The following RARB variants were observed in gnomAD, a reference collection of about 807,000 sequenced individuals.
The protein encoded by RARB is HBV-activated protein.
Under a neutral mutation model 51.9 loss-of-function variants are expected in RARB, and 17 were observed. That is an observed-to-expected ratio of 0.33 (90% CI 0.22 to 0.49). RARB has a LOEUF of 0.49. Ranked by LOEUF, RARB falls within the 20% of genes least tolerant of loss-of-function variation. The probability of loss-of-function intolerance (pLI) is 0.99; values close to 1 mark genes in which losing one functional copy is unlikely to be tolerated. For synonymous variants in RARB, 215 were observed against 195.4 expected, an observed-to-expected ratio of 1.10 and a Z score of -0.84; for missense variants, 369 against 550.8, an observed-to-expected ratio of 0.67 and a Z score of 3.30.
At chr3:25,175,494 C>A (rs79970397) in intron 5 of RARB, among the ~76,000 whole-genome samples, 1 of 152,174 alleles carries the variant, frequency 6.6e-6, no homozygotes, top group African/African-American at 2.4e-5. Flanking sequence ...GGGATACCAC[C>A]TTAATCTTTC....
intron 1 of RARB, among the ~76,000 whole-genome samples, chr3:25,431,322 C>G (rs1708198883): frequency 6.6e-6 from 1 of 151,926 alleles, no homozygotes; most frequent in Non-Finnish European, 1.5e-5. Context: ...TGGAGCACAC[C>G]ATCACAAGCT....
chr3:24,850,910 A>G lies in RARB; in HGVS notation c.-458-7764A>G, dbSNP rs114276075. Among the ~76,000 whole-genome samples, 540 of 152,328 alleles carry G rather than the reference A, an allele frequency of 3.5e-3. 3 individuals are homozygous for G. Among genetic ancestry groups the G allele is most frequent in the African/African-American group, 0.011 (478 of 41,574 alleles). On this transcript the variant is annotated intron_variant, in intron 1 of 11. Coordinates refer to the RARB transcript ENST00000383772. Reference sequence around the variant, plus strand: ...ACATCAGCAGATATGCTAAAACAAAACAGGGAAGCAAGTACTCATTAGCAA... The same window carrying G: ...ACATCAGCAGATATGCTAAAACAAAGCAGGGAAGCAAGTACTCATTAGCAA...
At chr3:25,070,935 C>T (rs889031988) in intron 3 of RARB, among the ~76,000 whole-genome samples, 29 of 152,098 alleles carry the variant, frequency 1.9e-4, no homozygotes, top group African/African-American at 6.8e-4. Context: ...GCCTTTAAAG[C>T]GTAGCCAGAG....
At chr3:25,247,055 AG>A (rs1414971753) in intron 5 of RARB, among the ~76,000 whole-genome samples, 1 of 152,218 alleles carries the variant, frequency 6.6e-6, no homozygotes, top group African/African-American at 2.4e-5. Context: ...GTCTGGCTAC[AG>A]CAGCTTTGTG....
intron 5 of RARB, among the ~76,000 whole-genome samples, chr3:25,588,344 T>C (rs1287864414): frequency 6.6e-6 from 1 of 152,210 alleles, no homozygotes; most frequent in East Asian, 1.9e-4. Context: ...TAATGGTTAC[T>C]TCTGAGGAAG....
chr3:25,513,689 T>C (rs1698021285), intron 3 of RARB, among the ~76,000 whole-genome samples: 1 of 78,972 alleles, frequency 1.3e-5, no homozygotes, highest in Non-Finnish European at 2.1e-5. Context: ...CACACACATT[T>C]CATCAAATCG....
At chr3:24,986,125 T>G (rs1036486759) in intron 2 of RARB, among the ~76,000 whole-genome samples, 2 of 152,240 alleles carry the variant, frequency 1.3e-5, no homozygotes, top group African/African-American at 4.8e-5. Flanking sequence ...TGTTTGATTC[T>G]GAACACTGTG....
chr3:25,089,619 A>AT (rs1315579462), intron 3 of RARB, among the ~76,000 whole-genome samples: 1 of 152,042 alleles, frequency 6.6e-6, no homozygotes, highest in Non-Finnish European at 1.5e-5. Flanking sequence ...GTTGTAATTC[A>AT]TTTTTTCATG....
chr3:25,106,458 G>GGT lies in RARB; in HGVS notation c.-327-25703_-327-25702insGT, dbSNP rs1559468532. 2.3e-3 allele frequency among the ~76,000 whole-genome samples: 252 copies of GGT among 107,808 alleles called. 35 individuals carry two copies. Among genetic ancestry groups the GGT allele is most frequent in the East Asian group, 0.023 (70 of 3,108 alleles). 70.7% of individuals were successfully genotyped at this position (107,808 alleles called of 152,430 possible). The stretch of plus-strand genomic sequence containing the variant: ...GCCCAGCTACTGTTTTTTGTTTTTT[G>GGT]TTTTTTTTTGTTTTGTTTTTTTTTT... On this transcript the variant is annotated intron_variant, in intron 3 of 11. Transcript: ENST00000383772.
intron 3 of RARB, among the ~76,000 whole-genome samples, chr3:25,544,389 C>A (rs546685158): frequency 6.6e-6 from 1 of 152,132 alleles, no homozygotes; most frequent in African/African-American, 2.4e-5. Context: ...AACAAAGAAG[C>A]TTTTCCCTGG....
intron 5 of RARB, among the ~76,000 whole-genome samples, chr3:25,203,269 T>G (rs1183816674): frequency 1.3e-5 from 2 of 152,122 alleles, no homozygotes; most frequent in Non-Finnish European, 2.9e-5. Flanking sequence ...CCTTTTTTTG[T>G]TTTCCATTTG....
intron 5 of RARB, among the ~76,000 whole-genome samples, chr3:25,259,659 G>C (rs941539890): frequency 6.6e-6 from 1 of 152,286 alleles, no homozygotes. Flanking sequence ...CGTTACAGCA[G>C]CTAGTATGAG....
intron 5 of RARB, among the ~76,000 whole-genome samples, chr3:25,192,980 C>T (rs369198539): frequency 1.3e-5 from 2 of 151,970 alleles, no homozygotes; most frequent in South Asian, 4.1e-4. Context: ...GAAGGAAGCT[C>T]TAAATAAATG....
intron 3 of RARB, among the ~76,000 whole-genome samples, chr3:25,530,234 C>T (rs1153603): frequency 0.49 from 74,072 of 152,016 alleles, 22,016 homozygotes; most frequent in African/African-American, 0.83. Flanking sequence ...CCTTTGATTC[C>T]GTAGGGGGAA....
intron 5 of RARB, among the ~76,000 whole-genome samples, chr3:25,235,820 G>C (rs1442349184): frequency 1.3e-5 from 2 of 152,086 alleles, no homozygotes; most frequent in African/African-American, 4.8e-5. Context: ...AATAGAAATA[G>C]AAATGTCATA....
At chr3:25,319,002 G>T (rs1704495872) in intron 5 of RARB, among the ~76,000 whole-genome samples, 1 of 152,014 alleles carries the variant, frequency 6.6e-6, no homozygotes, top group Non-Finnish European at 1.5e-5. Flanking sequence ...TGAATAATTA[G>T]ATTTAAGAAG....
At chr3:25,271,676 T>A (rs17016133) in intron 5 of RARB, among the ~76,000 whole-genome samples, 1 of 152,130 alleles carries the variant, frequency 6.6e-6, no homozygotes, top group Non-Finnish European at 1.5e-5. Context: ...CTCATTCTCA[T>A]CAGAAACTTT....
chr3:25,128,857 A>C (rs1180795719), intron 3 of RARB, among the ~76,000 whole-genome samples: 1 of 152,152 alleles, frequency 6.6e-6, no homozygotes, highest in East Asian at 1.9e-4. Context: ...TGTAATAATA[A>C]AAACTCAATG....
At chr3:25,320,792 G>T (rs181219910) in intron 5 of RARB, among the ~76,000 whole-genome samples, 3 of 152,106 alleles carry the variant, frequency 2.0e-5, no homozygotes, top group Non-Finnish European at 2.9e-5. Context: ...GATATGATTT[G>T]GGTTCTTTCC....
Sources: allele counts gnomAD v4.1 joint callset (sites outside exome capture counted in the v4.1 genomes callset), GRCh38; gene constraint gnomAD v4.1.1; transcripts MANE v1.5; gene names NCBI Gene and HGNC (gene_info 2026-07-23, HGNC 2026-07-21).